Variants in SHISA6 observed in about 807,000 individuals in gnomAD.
SHISA6 encodes protein shisa-6.
In SHISA6, 22 loss-of-function variants were observed where a neutral mutation model predicts 47.9. The observed-to-expected ratio is 0.46, with a 90% CI of 0.33 to 0.66. The LOEUF (loss-of-function observed/expected upper bound fraction) is 0.66, where lower values mean the gene tolerates loss of function less well. Ranked by LOEUF, SHISA6 falls within the 30% of genes least tolerant of loss-of-function variation. The probability of loss-of-function intolerance (pLI) is 0.02; values close to 1 mark genes in which losing one functional copy is unlikely to be tolerated. For missense variants in SHISA6, 680 were observed against 764.6 expected (o/e 0.89, Z 1.30); for synonymous variants, 388 against 337.8 (o/e 1.15, Z -1.63).
At chr17:11,418,081 A>C (rs1914337778) in intron 3 of SHISA6, among the ~76,000 whole-genome samples, 1 of 152,272 alleles carries the variant, frequency 6.6e-6, no homozygotes, top group Non-Finnish European at 1.5e-5. Context: ...CTTCATAACA[A>C]ATGCCTTCCA....
At chr17:11,338,761 A>G (rs1188330388) in intron 2 of SHISA6, among the ~76,000 whole-genome samples, 3 of 152,150 alleles carry the variant, frequency 2.0e-5, no homozygotes, top group Non-Finnish European at 2.9e-5. Flanking sequence ...TTCATTGGCC[A>G]TCCTGTGATT....
intron 2 of SHISA6, among the ~76,000 whole-genome samples, chr17:11,273,489 C>G (rs553245640): frequency 3.8e-4 from 58 of 152,352 alleles, no homozygotes; most frequent in Middle Eastern, 3.4e-3. Context: ...CTGCTCACTC[C>G]GTGATGATTT....
chr17:11,378,157 A>C (rs1912875168), intron 2 of SHISA6, among the ~76,000 whole-genome samples: 1 of 152,196 alleles, frequency 6.6e-6, no homozygotes, highest in African/African-American at 2.4e-5. Flanking sequence ...TATTTTCATA[A>C]ATTTTTCCAT....
chr17:11,293,897 T>C (rs1282807060), intron 2 of SHISA6, among the ~76,000 whole-genome samples: 1 of 152,198 alleles, frequency 6.6e-6, no homozygotes, highest in Non-Finnish European at 1.5e-5. Flanking sequence ...GTTTTGTTTT[T>C]GTTTTTTGAG....
At chr17:11,516,731 G>A (rs2071588845) in intron 3 of SHISA6, among the ~76,000 whole-genome samples, 1 of 152,148 alleles carries the variant, frequency 6.6e-6, no homozygotes, top group Admixed American at 6.6e-5. Context: ...GGTAGTCACT[G>A]GTACCTTCTC....
chr17:11,325,167 G>A (rs1910835618), intron 2 of SHISA6, among the ~76,000 whole-genome samples: 1 of 152,164 alleles, frequency 6.6e-6, no homozygotes, highest in East Asian at 1.9e-4. Flanking sequence ...TGATAAACTT[G>A]GGGGCACATC....
intron 2 of SHISA6, among the ~76,000 whole-genome samples, chr17:11,279,674 G>T (rs1163785472): frequency 6.6e-6 from 1 of 152,140 alleles, no homozygotes; most frequent in Non-Finnish European, 1.5e-5. Context: ...GGTGGTGCCT[G>T]CAGTGGTTAC....
intron 2 of SHISA6, among the ~76,000 whole-genome samples, chr17:11,354,678 T>G (rs1243284636): frequency 1.3e-5 from 2 of 152,208 alleles, no homozygotes; most frequent in Non-Finnish European, 2.9e-5. Flanking sequence ...GTCCACTGGG[T>G]GCAGTTCAGA....
At chr17:11,438,701 A>G (rs1011587282) in intron 3 of SHISA6, among the ~76,000 whole-genome samples, 3 of 152,202 alleles carry the variant, frequency 2.0e-5, no homozygotes, top group African/African-American at 7.2e-5. Context: ...TAGGGTTTCA[A>G]CACGTGAATT....
intron 3 of SHISA6, among the ~76,000 whole-genome samples, chr17:11,484,609 G>C (rs1028369171): frequency 6.6e-6 from 1 of 152,086 alleles, no homozygotes; most frequent in Non-Finnish European, 1.5e-5. Flanking sequence ...ATGTTGGCCA[G>C]GCTGGTCTTG....
chr17:11,293,073 C>T (rs1909609865), intron 2 of SHISA6, among the ~76,000 whole-genome samples: 1 of 152,098 alleles, frequency 6.6e-6, no homozygotes, highest in African/African-American at 2.4e-5. Context: ...GATCCAGCTG[C>T]CTTGGCCTCC....
chr17:11,377,925 C>T (rs1912862777), intron 2 of SHISA6, among the ~76,000 whole-genome samples: 1 of 152,210 alleles, frequency 6.6e-6, no homozygotes, highest in Non-Finnish European at 1.5e-5. Context: ...TTTCAGCATA[C>T]ATGTGCAGAA....
At chr17:11,357,902 T>C (rs7215459) in intron 2 of SHISA6, among the ~76,000 whole-genome samples, 70,230 of 152,062 alleles carry the variant, frequency 0.46, 16,415 homozygotes, top group Middle Eastern at 0.54. Flanking sequence ...TCCCACTTTA[T>C]GTCTTCTTTT....
chr17:11,525,648 AAAAC>A lies in SHISA6; in HGVS notation c.896-26244_896-26241del, dbSNP rs1368853489. ...CTCCGTCTCAAAAAAAAAAAAAAAA[AAAAC>A]AAAAAAAAAAAAACGTGTTATAATA... On this transcript the variant is annotated intron_variant, in intron 3 of 5. Transcript: ENST00000441885. Among the ~76,000 whole-genome samples, 213 of 49,220 alleles carry A rather than the reference AAAAC, an allele frequency of 4.3e-3. 12 individuals are homozygous for A. Among genetic ancestry groups the A allele is most frequent in the Middle Eastern group, 0.028 (3 of 106 alleles). The allele number at this position is 49,220 out of a possible 152,430, so 32.3% of individuals were successfully genotyped here. A position where few individuals can be genotyped will look rare whatever the true frequency, so the allele number is the denominator to read the frequency against.
chr17:11,274,751 T>C (rs1463858519), intron 2 of SHISA6, among the ~76,000 whole-genome samples: 1 of 152,162 alleles, frequency 6.6e-6, no homozygotes, highest in Non-Finnish European at 1.5e-5. Context: ...CCTCAGGGGC[T>C]TAACTCCAGG....
At chr17:11,433,729 G>C (rs964609474) in intron 3 of SHISA6, among the ~76,000 whole-genome samples, 2 of 151,964 alleles carry the variant, frequency 1.3e-5, no homozygotes, top group African/African-American at 2.4e-5. Flanking sequence ...AAACATTCAG[G>C]ACCCTGGATA....
intron 3 of SHISA6, among the ~76,000 whole-genome samples, chr17:11,522,258 C>T (rs2071636378): frequency 2.0e-5 from 3 of 151,958 alleles, no homozygotes; most frequent in Non-Finnish European, 4.4e-5. Flanking sequence ...AGTCACCATG[C>T]CTGGCCCTAT....
chr17:11,402,034 A>C (rs1290153421), intron 3 of SHISA6, among the ~76,000 whole-genome samples: 1 of 152,142 alleles, frequency 6.6e-6, no homozygotes, highest in East Asian at 1.9e-4. Context: ...GGTCCTTAGC[A>C]ATTTTGAAAT....
intron 3 of SHISA6, among the ~76,000 whole-genome samples, chr17:11,398,779 T>C (rs1055520361): frequency 1.4e-4 from 22 of 151,820 alleles, no homozygotes; most frequent in African/African-American, 5.3e-4. Flanking sequence ...TTTTAGTAGA[T>C]ATGGGGTTTC....
Sources: allele counts gnomAD v4.1 joint callset (sites outside exome capture counted in the v4.1 genomes callset), GRCh38; gene constraint gnomAD v4.1.1; transcripts MANE v1.5; gene names NCBI Gene and HGNC (gene_info 2026-07-23, HGNC 2026-07-21).